Variants in SLC9B1 observed in about 807,000 individuals in gnomAD.
SLC9B1 encodes sodium/hydrogen exchanger 9B1.
In SLC9B1, 32 loss-of-function variants were observed where a neutral mutation model predicts 51.7. The ratio of observed to expected loss-of-function variants is 0.62; its 90% CI spans 0.47 to 0.83. The LOEUF is 0.83. Ranked by LOEUF, SLC9B1 falls within the 40% of genes least tolerant of loss-of-function variation. The pLI is 0.00. For synonymous variants in SLC9B1, 145 were observed against 212.7 expected, an observed-to-expected ratio of 0.68 and a Z score of 2.77; for missense variants, 406 against 613.2, an observed-to-expected ratio of 0.66 and a Z score of 3.57.
chr4:102,911,305 G>C (rs1735321554), intron 8 of SLC9B1, 126 bp downstream of exon 8: 1 of 634,668 alleles, frequency 1.6e-6, no homozygotes, highest in South Asian at 2.0e-5. Context: ...TAAGTACAGA[G>C]TAGGCATTGG....
intron 1 of SLC9B1, among the ~76,000 whole-genome samples, chr4:103,006,418 C>T (rs531397320): frequency 3.3e-5 from 5 of 152,090 alleles, no homozygotes; most frequent in South Asian, 2.1e-4. Flanking sequence ...TTTCTGGAAA[C>T]GTACAACCTC....
Position 102,960,006 on chromosome 4 carries a change from A to T in SLC9B1, c.212-10579T>A, listed in dbSNP as rs1294412127. Among the ~76,000 whole-genome samples, 7 of 151,604 alleles carry T rather than the reference A, an allele frequency of 4.6e-5. No homozygotes were observed. The South Asian group carries it at 6.2e-4, about 14-fold the overall frequency. ...ACCCAAAATAAAAGTTTTTTTTTTT[A>T]AAAGAAAAACAAAACAAAAAAACCA... On this transcript the variant is annotated intron_variant, in intron 3 of 11. Transcript: ENST00000296422.
intron 7 of SLC9B1, among the ~76,000 whole-genome samples, chr4:102,921,108 A>G (rs1325135189): frequency 1.3e-5 from 2 of 152,158 alleles, no homozygotes; most frequent in African/African-American, 4.8e-5. Context: ...AAACATACTT[A>G]TCAGATTCAC....
intron 11 of SLC9B1, among the ~76,000 whole-genome samples, chr4:102,886,906 C>T (rs1412970293): frequency 1.3e-5 from 2 of 152,172 alleles, no homozygotes; most frequent in African/African-American, 2.4e-5. Context: ...TAAACTACCG[C>T]ACCAGCCTAA....
At chr4:102,891,500 G>T (rs531008309) in intron 11 of SLC9B1, 23 of 152,328 alleles carry the variant, frequency 1.5e-4, no homozygotes, top group African/African-American at 5.5e-4. Context: ...TGATGAATTG[G>T]AATCAAGATA....
At chr4:102,972,097 T>TATAAAATA (rs1373904460) in intron 3 of SLC9B1, among the ~76,000 whole-genome samples, 261 of 152,292 alleles carry the variant, frequency 1.7e-3, no homozygotes, top group African/African-American at 5.9e-3. Context: ...TCTGAAACTA[T>TATAAAATA]TCCAATCAAT....
At chr4:102,970,579 C>T (rs2110498221) in intron 3 of SLC9B1, among the ~76,000 whole-genome samples, 1 of 152,260 alleles carries the variant, frequency 6.6e-6, no homozygotes, top group South Asian at 2.1e-4. Context: ...ACTGCATGAA[C>T]TAACGAGCAA....
intron 3 of SLC9B1, among the ~76,000 whole-genome samples, chr4:102,983,902 CT>C (rs947067385): frequency 6.6e-6 from 1 of 151,886 alleles, no homozygotes; most frequent in East Asian, 1.9e-4. Flanking sequence ...AATTATATTA[CT>C]TTTTTTCTTC....
intron 3 of SLC9B1, among the ~76,000 whole-genome samples, chr4:102,977,692 A>G (rs762620695): frequency 2.0e-5 from 3 of 152,192 alleles, no homozygotes; most frequent in Non-Finnish European, 4.4e-5. Context: ...ATTCTTTTCA[A>G]TGTGCCATTC....
chr4:102,994,944 G>A (rs1185510260), intron 1 of SLC9B1, among the ~76,000 whole-genome samples: 1 of 152,118 alleles, frequency 6.6e-6, no homozygotes, highest in Non-Finnish European at 1.5e-5. Flanking sequence ...AAATTTGGGT[G>A]GGGACACAGA....
rs141412944 is a variant in SLC9B1 at position 102,974,242 on chromosome 4, G to GAAAAAAAAA, written c.211+15549_211+15557dup. ...ACAGAGCAAGACTCTGTCTAAAATT[G>GAAAAAAAAA]AAAAAAAAAAAAAAAAAAAAAAAAT... is the stretch of plus-strand genomic sequence containing the variant. On this transcript the variant is annotated intron_variant, in intron 3 of 11. Transcript: ENST00000296422. Among the ~76,000 whole-genome samples, 140 of 53,380 alleles carry GAAAAAAAAA rather than the reference G, an allele frequency of 2.6e-3. 19 individuals are homozygous for GAAAAAAAAA. The highest frequency in any genetic ancestry group is 5.8e-3 in the East Asian group (9 of 1,540). The allele number at this position is 53,380 out of a possible 152,430, so 35.0% of individuals were successfully genotyped here. A position where few individuals can be genotyped will look rare whatever the true frequency, so the allele number is the denominator to read the frequency against.
chr4:102,989,229 T>C (rs1380480501), intron 3 of SLC9B1, among the ~76,000 whole-genome samples: 1 of 152,066 alleles, frequency 6.6e-6, no homozygotes. Flanking sequence ...TTTTGTTCTC[T>C]ATAGGGAACA....
intron 7 of SLC9B1, among the ~76,000 whole-genome samples, chr4:102,923,912 C>T (rs1215349201): frequency 1.3e-5 from 2 of 152,150 alleles, no homozygotes; most frequent in African/African-American, 4.8e-5. Context: ...AAAGAGGACA[C>T]AAACAAATGG....
At chr4:102,898,344 A>G, downstream of SLC9B1, 3 of 275,126 alleles carry the variant, frequency 1.1e-5, no homozygotes, top group South Asian at 1.1e-4. Flanking sequence ...AGTATAAAAT[A>G]AATTTAAAAA....
chr4:102,965,284 C>T (rs1003335509), intron 3 of SLC9B1, among the ~76,000 whole-genome samples: 1 of 152,016 alleles, frequency 6.6e-6, no homozygotes, highest in African/African-American at 2.4e-5. Flanking sequence ...AAGCATGGCA[C>T]CAGTATCTGC....
intron 3 of SLC9B1, among the ~76,000 whole-genome samples, chr4:102,977,804 CAT>C (rs1739151913): frequency 6.6e-6 from 1 of 152,026 alleles, no homozygotes; most frequent in African/African-American, 2.4e-5. Flanking sequence ...TTTTTAAAAA[CAT>C]ATTCTTTTTT....
intron 11 of SLC9B1, among the ~76,000 whole-genome samples, chr4:102,904,438 A>G (rs971551738): frequency 5.0e-5 from 7 of 139,034 alleles, no homozygotes; most frequent in African/African-American, 2.0e-4. Context: ...TTTCAGATAT[A>G]TTCTTATTAT....
intron 10 of SLC9B1, 80 bp from the exon 11 acceptor site, chr4:102,905,730 A>T: frequency 7.4e-7 from 1 of 1,357,458 alleles, no homozygotes; most frequent in South Asian, 1.3e-5. Flanking sequence ...TGATTTCTAA[A>T]ACTTTTGAAA....
rs181455517 is a variant in SLC9B1, at chr4:102,950,000, C to T, written c.212-573G>A. On this transcript the variant is annotated intron_variant, in intron 3 of 11. Transcript: ENST00000296422. ...AAAATAAAAAAAACCTATATGTGAA[C>T]TCTGGAAAATGCTAACCATTATAAT... 6.6e-5 allele frequency among the ~76,000 whole-genome samples: 10 copies of T among 152,102 alleles called. No homozygotes were observed. The East Asian group carries it at 1.9e-3, about 29-fold the overall frequency.
Sources: allele counts gnomAD v4.1 joint callset (sites outside exome capture counted in the v4.1 genomes callset), GRCh38; gene constraint gnomAD v4.1.1; transcripts MANE v1.5; gene names NCBI Gene and HGNC (gene_info 2026-07-23, HGNC 2026-07-21).